CHL1: variants seen among roughly 807,000 people sequenced by gnomAD.
CHL1 encodes cell adhesion molecule L1 like.
A neutral mutation model predicts 141.9 loss-of-function variants in CHL1; 96 were observed. The ratio of observed to expected loss-of-function variants is 0.68; its 90% CI spans 0.57 to 0.80. The LOEUF is 0.80. Among genes scored for constraint, CHL1 ranks in the 30% least tolerant of loss-of-function variants. CHL1 has a pLI of 0.00. For synonymous variants in CHL1, 613 were observed against 502.2 expected (o/e 1.22, Z -2.95); for missense variants, 1,820 against 1,457.2 (o/e 1.25, Z -4.05).
chr3:354,710 T>C lies in CHL1; in HGVS notation c.1104T>C (p.Cys368=). ...CCGGAAGCAATGGCATCTTGTTATG[T>C]GAGGCTGAAGGAGAACCTCAACCCA... ...YSTGSNGILL[C]EAEGEPQPTI... Residue 368 remains cysteine, a synonymous_variant, in exon 11 of 28, where the codon TGT becomes TGC. Coordinates refer to ENST00000256509, the MANE Select transcript of CHL1 (RefSeq NM_006614.4). The C allele has an allele frequency of 6.2e-7, 1 of 1,614,030 alleles. No individual in the cohort carries two copies. Among genetic ancestry groups the C allele is most frequent in the Non-Finnish European group, 8.5e-7 (1 of 1,179,926 alleles).
intron 1 of CHL1, among the ~76,000 whole-genome samples, chr3:215,323 T>C (rs1700226241): frequency 6.6e-6 from 1 of 152,154 alleles, no homozygotes; most frequent in Non-Finnish European, 1.5e-5. Flanking sequence ...GAAAGACTAA[T>C]ATCCCACGTT....
At chr3:198,413 C>A (rs1035528816) in intron 1 of CHL1, among the ~76,000 whole-genome samples, 2 of 152,158 alleles carry the variant, frequency 1.3e-5, no homozygotes, top group African/African-American at 4.8e-5. Context: ...GCGATGGTAA[C>A]TGGTGGGCCC....
chr3:336,699 G>A (rs1363701205), intron 5 of CHL1, among the ~76,000 whole-genome samples: 1 of 152,224 alleles, frequency 6.6e-6, no homozygotes, highest in Non-Finnish European at 1.5e-5. Flanking sequence ...ATATCCTATA[G>A]ATATAAATTC....
chr3:375,920 G>C (rs1706255837), intron 15 of CHL1, among the ~76,000 whole-genome samples: 1 of 152,158 alleles, frequency 6.6e-6, no homozygotes, highest in African/African-American at 2.4e-5. Flanking sequence ...CAGCTGAACA[G>C]GGTAAGACAA....
chr3:199,151 G>C (rs898544172), intron 1 of CHL1, among the ~76,000 whole-genome samples: 8 of 152,262 alleles, frequency 5.3e-5, no homozygotes, highest in African/African-American at 1.7e-4. Flanking sequence ...CCATTTTATG[G>C]CCTTAAGTGC....
chr3:249,337 C>T (rs190740236), intron 2 of CHL1, among the ~76,000 whole-genome samples: 4 of 152,106 alleles, frequency 2.6e-5, no homozygotes, highest in Admixed American at 6.6e-5. Context: ...GCACAAAGAT[C>T]AAAGATTAGT....
intron 2 of CHL1, chr3:248,501 G>A (rs1693387483): frequency 6.6e-6 from 1 of 151,954 alleles, no homozygotes; most frequent in Non-Finnish European, 1.5e-5. Context: ...ATACACAAAC[G>A]ACATATTTAA....
At chr3:348,248 A>C (rs1702933857) in intron 9 of CHL1, among the ~76,000 whole-genome samples, 1 of 152,194 alleles carries the variant, frequency 6.6e-6, no homozygotes, top group Non-Finnish European at 1.5e-5. Context: ...TAAGAAATTA[A>C]TTTATTGGAG....
intron 2 of CHL1, among the ~76,000 whole-genome samples, chr3:285,316 G>T (rs148174056): frequency 6.6e-6 from 1 of 152,156 alleles, no homozygotes; most frequent in Non-Finnish European, 1.5e-5. Flanking sequence ...AATGGAATCT[G>T]ATGAAGTCCC....
At chr3:252,498 T>C (rs1693799915) in intron 2 of CHL1, among the ~76,000 whole-genome samples, 1 of 150,660 alleles carries the variant, frequency 6.6e-6, no homozygotes, top group Non-Finnish European at 1.5e-5. Flanking sequence ...AGGAAACACA[T>C]ATTGAATATA....
chr3:359,159 G>A (rs1703982646), intron 11 of CHL1, among the ~76,000 whole-genome samples: 1 of 151,738 alleles, frequency 6.6e-6, no homozygotes, highest in Non-Finnish European at 1.5e-5. Context: ...CTGTAATCCA[G>A]TCCCCTCACC....
Position 389,369 on chromosome 3 carries a change from A to G in CHL1, c.2365A>G (p.Met789Val). The G allele has an allele frequency of 1.2e-6, 2 of 1,614,214 alleles. No homozygotes were observed. ...ETVTNHTLRV[M>V]TPAVYAPYDV... is the part of the protein sequence containing the mutation. The stretch of plus-strand genomic sequence containing the variant: ...AGTCACAAACCACACATTGCGGGTG[A>G]TGACGCCTGCTGTCTATGCCCCTTA... The change falls in exon 20 of 28, where the codon ATG becomes GTG. Residue 789 changes from methionine (M) to valine (V), a missense_variant. Met to Val is a conservative substitution (Grantham distance 21). Coordinates refer to ENST00000256509, the MANE Select transcript of CHL1 (RefSeq NM_006614.4).
intron 2 of CHL1, among the ~76,000 whole-genome samples, chr3:258,707 G>A (rs1694410502): frequency 6.6e-6 from 1 of 152,104 alleles, no homozygotes; most frequent in African/African-American, 2.4e-5. Flanking sequence ...GTTTTAAATA[G>A]AAGCATTTAC....
intron 15 of CHL1, among the ~76,000 whole-genome samples, chr3:367,067 A>C (rs975838435): frequency 1.3e-5 from 2 of 152,244 alleles, no homozygotes; most frequent in African/African-American, 4.8e-5. Flanking sequence ...TATAAAAGAG[A>C]ACATATAGAG....
intron 8 of CHL1, 146 bp downstream of exon 8, chr3:343,177 C>A (rs1174832223): frequency 1.8e-6 from 1 of 546,840 alleles, no homozygotes; most frequent in Non-Finnish European, 3.2e-6. Flanking sequence ...CTATTGCCCC[C>A]CATGCCCTCT....
Position 258,303 on chromosome 3 carries a change from C to A in CHL1, c.-95+13611C>A, listed in dbSNP as rs150116755. On this transcript the variant is annotated intron_variant, in intron 2 of 27. Transcript: ENST00000256509. ...GTCATGTGTTATAGGTTGTTTCAGG[C>A]AACAAGACCTCAGATGTCCTTCACT... 2.1e-4 allele frequency among the ~76,000 whole-genome samples: 32 copies of A among 152,262 alleles called. 1 individual carries two copies. In the East Asian group the frequency reaches 4.6e-3, roughly 22 times the overall value.
At chr3:398,679 C>G (rs529475803) in intron 25 of CHL1, among the ~76,000 whole-genome samples, 27 of 152,310 alleles carry the variant, frequency 1.8e-4, no homozygotes, top group Middle Eastern at 3.4e-3. Context: ...ACAAAAACCA[C>G]CGGTCTCCAT....
intron 3 of CHL1, among the ~76,000 whole-genome samples, chr3:323,781 C>T (rs551695613): frequency 1.1e-4 from 17 of 152,186 alleles, no homozygotes; most frequent in African/African-American, 4.1e-4. Flanking sequence ...GGGAGGATTA[C>T]TTGAGCTTGG....
chr3:344,810 T>G, intron 9 of CHL1, 101 bp downstream of exon 9: 1 of 1,232,300 alleles, frequency 8.1e-7, no homozygotes, highest in Non-Finnish European at 1.1e-6. Flanking sequence ...ATTTTAAAAT[T>G]ATTTCCTTAA....
Sources: allele counts gnomAD v4.1 joint callset (sites outside exome capture counted in the v4.1 genomes callset), GRCh38; gene constraint gnomAD v4.1.1; transcripts MANE v1.5; gene names NCBI Gene and HGNC (gene_info 2026-07-23, HGNC 2026-07-21).